TRIM40: variants seen among roughly 807,000 people sequenced by gnomAD.
TRIM40 encodes E3 ubiquitin ligase TRIM40.
A neutral mutation model predicts 26.1 loss-of-function variants in TRIM40; 27 were observed. The observed-to-expected ratio is 1.04, with a 90% CI of 0.76 to 1.43. TRIM40 has a LOEUF of 1.43. TRIM40 is among the 40% of genes most tolerant of loss of function. The pLI is 0.00. For synonymous variants in TRIM40, 114 were observed against 120.0 expected (o/e 0.95, Z 0.33); for missense variants, 289 against 307.9 (o/e 0.94, Z 0.46).
chr6:30,142,495 A>C (rs1382778737), intron 2 of TRIM40, among the ~76,000 whole-genome samples: 1 of 152,188 alleles, frequency 6.6e-6, no homozygotes, highest in Non-Finnish European at 1.5e-5. Context: ...GAGCTCCATT[A>C]GTTGTGTTTG....
At chr6:30,144,666 C>T (rs1771542531) in intron 2 of TRIM40, among the ~76,000 whole-genome samples, 1 of 152,058 alleles carries the variant, frequency 6.6e-6, no homozygotes. Flanking sequence ...GGCTGGAGAT[C>T]TCAGGTGACT....
rs751557007 is a variant in TRIM40, at chr6:30,136,849, C to T, written c.-188C>T. 5.1e-5 allele frequency: 31 copies of T among 605,582 alleles called. No individual in the cohort carries two copies. Among genetic ancestry groups the T allele is most frequent in the Non-Finnish European group, 7.8e-5 (27 of 344,070 alleles). The allele number at this position is 605,582 out of a possible 1,614,324, so 37.5% of individuals were successfully genotyped here. A position where few individuals can be genotyped will look rare whatever the true frequency, so the allele number is the denominator to read the frequency against. ...ATTGTGGTTTGTGTGGTCTATGTCA[C>T]GGCACCCTTGAGGGAGAGTGGGCAA... On this transcript the variant is annotated 5_prime_UTR_variant, in exon 2 of 6. In the 5' UTR this introduces an upstream ATG that the reference lacks. Coordinates refer to ENST00000396581, the MANE Select transcript of TRIM40 (RefSeq NM_001286633.2).
In TRIM40 at chr6:30,143,040, C is replaced by T. The variant is rs562843097; in HGVS notation, c.346-2954C>T. Reference sequence around the variant, plus strand: ...ATGTTTCTAAATTTCATAGATCATTCCATAAGATTTTAATGGTTATTGCAT... The same window carrying T: ...ATGTTTCTAAATTTCATAGATCATTTCATAAGATTTTAATGGTTATTGCAT... On this transcript the variant is annotated intron_variant, in intron 2 of 5. Coordinates refer to ENST00000396581, the MANE Select transcript of TRIM40 (RefSeq NM_001286633.2). 5.3e-4 allele frequency among the ~76,000 whole-genome samples: 80 copies of T among 152,162 alleles called. 1 individual carries two copies. Among genetic ancestry groups the T allele is most frequent in the Admixed American group, 9.8e-4 (15 of 15,276 alleles).
At position 30,146,035 on chromosome 6, in the gene TRIM40, T is replaced by C; in HGVS notation, c.387T>C (p.Ile129=). 6.2e-7 allele frequency: 1 copy of C among 1,613,054 alleles called. No individual in the cohort carries two copies. The highest frequency in any genetic ancestry group is 1.1e-5 in the South Asian group (1 of 91,072). Residue 129 remains isoleucine (I), a synonymous_variant, in exon 3 of 6, where the codon ATT becomes ATC. Coordinates refer to ENST00000396581, the MANE Select transcript of TRIM40 (RefSeq NM_001286633.2). ...GGAGCAGGAAGCTCAGAAAGGACAT[T>C]GCAGAACTTCAGCGGCTCAAGGCTC... The part of the protein sequence containing the change: ...NRRSRKLRKD[I]AELQRLKAQQ...
chr6:30,146,541 A>G lies in TRIM40; in HGVS notation c.442-444A>G, dbSNP rs188461378. On this transcript the variant is annotated intron_variant, in intron 3 of 5. Coordinates refer to ENST00000396581, the MANE Select transcript of TRIM40 (RefSeq NM_001286633.2). ...ATTCTCCTGCCTCAGCCTCCCGAGT[A>G]CTGGGACTACAGGCACTTGCCACCA... Among the ~76,000 whole-genome samples the G allele has an allele frequency of 2.8e-4, 43 of 151,960 alleles. 1 individual carries two copies. The East Asian group carries it at 8.3e-3, about 29-fold the overall frequency.
chr6:30,140,288 T>C (rs1771268547), intron 2 of TRIM40, among the ~76,000 whole-genome samples: 1 of 152,154 alleles, frequency 6.6e-6, no homozygotes, highest in Non-Finnish European at 1.5e-5. Context: ...TATTGTGGCA[T>C]GGTTCACAAT....
intron 3 of TRIM40, among the ~76,000 whole-genome samples, chr6:30,146,584 C>CT (rs1771672015): frequency 6.6e-6 from 1 of 151,920 alleles, no homozygotes; most frequent in African/African-American, 2.4e-5. Flanking sequence ...CTAATTTTTT[C>CT]TATATTTTAG....
At chr6:30,137,988 T>C (rs1425206845) in intron 2 of TRIM40, among the ~76,000 whole-genome samples, 7 of 152,130 alleles carry the variant, frequency 4.6e-5, no homozygotes, top group African/African-American at 1.7e-4. Context: ...TCTCCCTCCA[T>C]TCATAGTCCT....
At chr6:30,139,244 G>C (rs950309733) in intron 2 of TRIM40, among the ~76,000 whole-genome samples, 4 of 152,068 alleles carry the variant, frequency 2.6e-5, no homozygotes, top group Admixed American at 2.6e-4. Context: ...CATGTGCTAG[G>C]AATCAATGAA....
chr6:30,147,855 C>G lies in TRIM40; in HGVS notation c.*43C>G. ...CACCTCACTTCAGGCTCACCTCAGC[C>G]TCCTCTCTCTCCTTCCTCCAACCTG... On this transcript the variant is annotated 3_prime_UTR_variant, in exon 6 of 6. Coordinates refer to ENST00000396581, the MANE Select transcript of TRIM40 (RefSeq NM_001286633.2). 2 of 1,550,910 alleles carry G rather than the reference C, an allele frequency of 1.3e-6. No individual in the cohort carries two copies. Among genetic ancestry groups the G allele is most frequent in the South Asian group, 2.2e-5 (2 of 89,836 alleles).
intron 2 of TRIM40, among the ~76,000 whole-genome samples, chr6:30,139,347 T>C (rs9380155): frequency 0.023 from 3,368 of 144,544 alleles, 109 homozygotes; most frequent in African/African-American, 0.066. Context: ...TTCTTTTTTT[T>C]TTTTTTTTTT....
At chr6:30,145,242 A>T (rs2127425996) in intron 2 of TRIM40, among the ~76,000 whole-genome samples, 1 of 152,318 alleles carries the variant, frequency 6.6e-6, no homozygotes, top group South Asian at 2.1e-4. Flanking sequence ...ATTTAGTGAA[A>T]CACACACTTT....
intron 2 of TRIM40, among the ~76,000 whole-genome samples, chr6:30,139,331 T>A (rs1161683900): frequency 1.1e-5 from 1 of 89,472 alleles, no homozygotes; most frequent in Non-Finnish European, 2.6e-5. Flanking sequence ...GAACTGTAAC[T>A]TTTTTTTCTT....
At chr6:30,137,461 C>A in intron 2 of TRIM40, 80 bp downstream of exon 2, 1 of 1,235,082 alleles carries the variant, frequency 8.1e-7, no homozygotes, top group Non-Finnish European at 1.2e-6. Context: ...ATGCCTGGCA[C>A]CTCAGAGTAG....
At chr6:30,141,003 C>T (rs146146783) in intron 2 of TRIM40, among the ~76,000 whole-genome samples, 1,684 of 152,186 alleles carry the variant, frequency 0.011, 24 homozygotes, top group African/African-American at 0.034. Context: ...CCAAGAAAAG[C>T]GGGCACGGTG....
At chr6:30,146,707 G>A (rs1022077858) in intron 3 of TRIM40, among the ~76,000 whole-genome samples, 58 of 151,806 alleles carry the variant, frequency 3.8e-4, no homozygotes, top group Non-Finnish European at 6.9e-4. Flanking sequence ...CACCGTGCCC[G>A]GCCGCCATAG....
chr6:30,137,506 T>A, intron 2 of TRIM40, 125 bp downstream of exon 2: 1 of 843,750 alleles, frequency 1.2e-6, no homozygotes, highest in South Asian at 1.7e-5. Context: ...TTTCTTCTGC[T>A]TCATCCTGTT....
At position 30,147,061 on chromosome 6, in the gene TRIM40, C is replaced by A; in HGVS notation, c.518C>A (p.Ala173Asp). Residue 173 changes from alanine to aspartate, a missense_variant, in exon 4 of 6, where the codon GCC (alanine) becomes GAC (aspartate). Ala to Asp is a moderately radical substitution (Grantham distance 126, BLOSUM62 -2). Transcript: ENST00000396581. ...CACCAAACCAGGGAACAGCTGGGTG[C>A]CCTCCCTCAGCAGTGGCTGGGCCAG... ...SQHQTREQLG[A>D]LPQQWLGQLE... The A allele has an allele frequency of 6.2e-7, 1 of 1,613,794 alleles. No homozygotes were observed.
At chr6:30,136,707 G>T (rs1434054224) in intron 1 of TRIM40, 26 bp from the exon 2 acceptor site, 4 of 357,926 alleles carry the variant, frequency 1.1e-5, no homozygotes, top group Non-Finnish European at 5.0e-6. Flanking sequence ...AACAGAATTG[G>T]TTATTGAATC....
Sources: allele counts gnomAD v4.1 joint callset (sites outside exome capture counted in the v4.1 genomes callset), GRCh38; gene constraint gnomAD v4.1.1; transcripts MANE v1.5; gene names NCBI Gene and HGNC (gene_info 2026-07-23, HGNC 2026-07-21).